NEO1: variants seen among roughly 807,000 people sequenced by gnomAD.
The protein encoded by NEO1 is neogenin 1.
NEO1 carries 63 observed loss-of-function variants against 159.7 expected under a neutral mutation model. The ratio of observed to expected loss-of-function variants is 0.39; its 90% CI spans 0.32 to 0.49. NEO1 has a LOEUF of 0.49. NEO1 is among the 20% of genes least tolerant of loss of function. The pLI, the probability that NEO1 is intolerant of heterozygous loss-of-function variation, is 0.85. For missense variants in NEO1, 1,615 were observed against 1,831.0 expected, an observed-to-expected ratio of 0.88 and a Z score of 2.15; for synonymous variants, 633 against 662.0, an observed-to-expected ratio of 0.96 and a Z score of 0.67.
chr15:73,103,300 T>C (rs1399358951), intron 1 of NEO1, among the ~76,000 whole-genome samples: 1 of 152,162 alleles, frequency 6.6e-6, no homozygotes, highest in East Asian at 1.9e-4. Flanking sequence ...CTTCTTAACT[T>C]CCAAACTTAT....
In NEO1 at chr15:73,249,026, T is replaced by C. The variant is rs368223864; in HGVS notation, c.1607-34T>C. The C allele has an allele frequency of 2.7e-5, 43 of 1,610,996 alleles. No homozygotes were observed. In the African/African-American group the frequency reaches 5.5e-4, roughly 21 times the overall value. ...GGTTATTGAGGAGTGTAGCATTTCA[T>C]TTATATCTTGCTTTCTCGAACTTTT... On this transcript the variant is annotated intron_variant, in intron 9 of 28. Transcript: ENST00000261908.
chr15:73,203,561 C>G (rs556325477), intron 7 of NEO1, among the ~76,000 whole-genome samples: 35 of 152,098 alleles, frequency 2.3e-4, no homozygotes, highest in Middle Eastern at 3.4e-3. Flanking sequence ...CCCTCTTTTT[C>G]TGCCTTCGTC....
intron 6 of NEO1, among the ~76,000 whole-genome samples, chr15:73,177,890 T>C (rs2035373912): frequency 1.3e-5 from 2 of 152,196 alleles, no homozygotes; most frequent in African/African-American, 4.8e-5. Context: ...TAAGGAAAGC[T>C]CACATGGCTT....
chr15:73,115,714 T>G (rs1472494444), intron 1 of NEO1, among the ~76,000 whole-genome samples: 1 of 152,186 alleles, frequency 6.6e-6, no homozygotes, highest in African/African-American at 2.4e-5. Flanking sequence ...AAGCTTTAAG[T>G]TGGAAAGCTT....
chr15:73,295,790 G>C (rs1262629561), intron 26 of NEO1, among the ~76,000 whole-genome samples: 14 of 152,120 alleles, frequency 9.2e-5, no homozygotes, highest in Admixed American at 9.2e-4. Context: ...GCTAAGCAGG[G>C]CCAGTCTCTG....
At chr15:73,289,538 GA>G (rs1337493779) in intron 25 of NEO1, among the ~76,000 whole-genome samples, 1 of 152,188 alleles carries the variant, frequency 6.6e-6, no homozygotes, top group Non-Finnish European at 1.5e-5. Flanking sequence ...GGAGAGATGG[GA>G]AAGCTTCCCT....
intron 5 of NEO1, among the ~76,000 whole-genome samples, chr15:73,142,091 C>T (rs1248354108): frequency 6.8e-6 from 1 of 147,224 alleles, no homozygotes; most frequent in Non-Finnish European, 1.5e-5. Flanking sequence ...GGATTAAACT[C>T]TTTTTTTTTT....
intron 5 of NEO1, among the ~76,000 whole-genome samples, chr15:73,164,661 A>C (rs970261093): frequency 6.6e-6 from 1 of 152,248 alleles, no homozygotes; most frequent in Non-Finnish European, 1.5e-5. Context: ...ACCTTGACTT[A>C]GTTATTCCCT....
chr15:73,268,555 G>A (rs543999776), intron 16 of NEO1, among the ~76,000 whole-genome samples: 1 of 152,250 alleles, frequency 6.6e-6, no homozygotes, highest in Admixed American at 6.5e-5. Context: ...AGTCCTCATT[G>A]CACAGGAAAT....
chr15:73,274,633 A>G (rs1344314495), intron 20 of NEO1, 59 bp from the exon 21 acceptor site: 14 of 1,564,792 alleles, frequency 8.9e-6, no homozygotes, highest in East Asian at 2.2e-5. Context: ...TGCCTGTCCC[A>G]TCTTCAAAGC....
At chr15:73,206,346 GTTAA>G (rs1368477103) in intron 7 of NEO1, among the ~76,000 whole-genome samples, 2 of 151,926 alleles carry the variant, frequency 1.3e-5, no homozygotes, top group Admixed American at 6.6e-5. Context: ...CTTTCATTGT[GTTAA>G]TTGTTAATTC....
At chr15:73,293,286 G>A in intron 25 of NEO1, 104 bp from the exon 26 acceptor site, 1 of 1,385,868 alleles carries the variant, frequency 7.2e-7, no homozygotes, top group African/African-American at 1.4e-5. Flanking sequence ...GGAGTGTTTG[G>A]ATTGTATGGG....
chr15:73,255,923 A>G (rs1270048471), intron 13 of NEO1: 1 of 152,336 alleles, frequency 6.6e-6, no homozygotes, highest in East Asian at 1.9e-4. Context: ...CAGTATAGTC[A>G]CAGGGCATGT....
chr15:73,165,888 T>C (rs955819220), intron 5 of NEO1, among the ~76,000 whole-genome samples: 2 of 152,174 alleles, frequency 1.3e-5, no homozygotes, highest in Non-Finnish European at 2.9e-5. Flanking sequence ...TTAGCTTGAG[T>C]TATTCCATAT....
intron 1 of NEO1, among the ~76,000 whole-genome samples, chr15:73,075,950 T>C (rs1295735173): frequency 1.3e-5 from 2 of 152,204 alleles, no homozygotes; most frequent in Non-Finnish European, 2.9e-5. Context: ...CCTATTTTTG[T>C]CTGTTTTGAA....
intron 16 of NEO1, among the ~76,000 whole-genome samples, chr15:73,268,666 G>C (rs1296039890): frequency 1.3e-5 from 2 of 152,210 alleles, no homozygotes; most frequent in African/African-American, 4.8e-5. Flanking sequence ...ATGACTATGT[G>C]AGAAACCCAT....
chr15:73,191,861 CTT>C (rs1455063173), intron 7 of NEO1, among the ~76,000 whole-genome samples: 1 of 152,012 alleles, frequency 6.6e-6, no homozygotes, highest in Non-Finnish European at 1.5e-5. Flanking sequence ...TAACCCTTCT[CTT>C]AATATTACTT....
chr15:73,208,071 GT>G lies in NEO1; in HGVS notation c.1292-28274del, dbSNP rs2037337656. On this transcript the variant is annotated intron_variant, in intron 7 of 28. Transcript: ENST00000261908. Reference sequence around the variant, plus strand: ...AACATTTTGATTTTTCCTTCTGGAAGTTAAATAAAATGGATTACAATATGGA... The same window carrying G: ...AACATTTTGATTTTTCCTTCTGGAAGTAAATAAAATGGATTACAATATGGA... Among the ~76,000 whole-genome samples, 3 of 152,320 alleles carry G rather than the reference GT, an allele frequency of 2.0e-5. No individual in the cohort carries two copies. The South Asian group carries it at 6.2e-4, about 32-fold the overall frequency.
At chr15:73,061,818 C>T (rs1318178072) in intron 1 of NEO1, among the ~76,000 whole-genome samples, 1 of 152,126 alleles carries the variant, frequency 6.6e-6, no homozygotes, top group Non-Finnish European at 1.5e-5. Flanking sequence ...GCTGTGCACA[C>T]TGACTTTTAA....
Sources: gnomAD v4.1 joint callset for allele counts (sites outside exome capture counted in the v4.1 genomes callset) on GRCh38, gnomAD v4.1.1 for gene constraint, MANE v1.5 for transcripts, NCBI Gene and HGNC (gene_info 2026-07-23, HGNC 2026-07-21) for gene names.